The following OPCML variants were observed in gnomAD, a reference collection of about 807,000 sequenced individuals.
OPCML encodes opioid binding protein/cell adhesion molecule like.
Under a neutral mutation model 37.8 loss-of-function variants are expected in OPCML, and 13 were observed. The observed-to-expected ratio is 0.34, with a 90% CI of 0.22 to 0.55. OPCML has a LOEUF of 0.55. OPCML is among the 20% of genes least tolerant of loss of function. OPCML has a pLI of 0.91. For synonymous variants in OPCML, 176 were observed against 168.8 expected (o/e 1.04, Z -0.33); for missense variants, 341 against 435.6 (o/e 0.78, Z 1.93).
intron 1 of OPCML, among the ~76,000 whole-genome samples, chr11:133,190,517 C>A (rs1237397534): frequency 6.6e-6 from 1 of 152,096 alleles, no homozygotes. Flanking sequence ...TCAAAGTATA[C>A]AATTCAACTG....
chr11:133,509,477 G>C (rs1026768048), intron 1 of OPCML, among the ~76,000 whole-genome samples: 1 of 152,136 alleles, frequency 6.6e-6, no homozygotes. Context: ...TCATTGATGG[G>C]CATTTGGGTT....
chr11:132,990,510 T>G (rs1946756175), intron 1 of OPCML, among the ~76,000 whole-genome samples: 1 of 152,188 alleles, frequency 6.6e-6, no homozygotes, highest in Non-Finnish European at 1.5e-5. Flanking sequence ...AGGTAGGCAT[T>G]CTATTTTCCT....
intron 1 of OPCML, among the ~76,000 whole-genome samples, chr11:133,012,881 A>AG (rs1475568877): frequency 1.3e-5 from 2 of 151,742 alleles, no homozygotes; most frequent in Non-Finnish European, 2.9e-5. Flanking sequence ...AAAAAAAAAA[A>AG]AAAAAAGAAA....
chr11:133,123,970 G>A (rs1327902189), intron 1 of OPCML, among the ~76,000 whole-genome samples: 1 of 151,934 alleles, frequency 6.6e-6, no homozygotes, highest in Non-Finnish European at 1.5e-5. Context: ...GCATGAGTCG[G>A]GTCAAAGACT....
At chr11:133,290,067 T>C (rs899050359) in intron 1 of OPCML, among the ~76,000 whole-genome samples, 20 of 152,140 alleles carry the variant, frequency 1.3e-4, no homozygotes, top group African/African-American at 4.6e-4. Context: ...AAGAAAATCT[T>C]CTCAAATCTC....
intron 1 of OPCML, among the ~76,000 whole-genome samples, chr11:133,027,470 A>AGTGT (rs112879269): frequency 6.9e-4 from 100 of 145,010 alleles, no homozygotes; most frequent in Middle Eastern, 3.5e-3. Context: ...TGGTCTATGT[A>AGTGT]GTGTGTGTGT....
intron 2 of OPCML, among the ~76,000 whole-genome samples, chr11:132,798,497 C>T (rs965016903): frequency 1.2e-4 from 18 of 152,204 alleles, no homozygotes; most frequent in African/African-American, 4.3e-4. Context: ...AGAAGCAACT[C>T]CTCCTTCATT....
At chr11:133,192,435 C>T (rs146342721) in intron 1 of OPCML, among the ~76,000 whole-genome samples, 46 of 152,320 alleles carry the variant, frequency 3.0e-4, no homozygotes, top group Middle Eastern at 3.4e-3. Flanking sequence ...ATTGCCTACT[C>T]ATAGATCCAG....
At chr11:132,652,692 T>C (rs1178652348) in intron 3 of OPCML, among the ~76,000 whole-genome samples, 1 of 152,222 alleles carries the variant, frequency 6.6e-6, no homozygotes, top group African/African-American at 2.4e-5. Flanking sequence ...AATAAATGCC[T>C]GGAATTTGTG....
chr11:133,105,402 A>G (rs993726277), intron 1 of OPCML, among the ~76,000 whole-genome samples: 2 of 152,208 alleles, frequency 1.3e-5, no homozygotes, highest in African/African-American at 4.8e-5. Context: ...AAATGAAGAA[A>G]AGGTATAGGT....
chr11:133,055,318 C>T (rs191394392), intron 1 of OPCML, among the ~76,000 whole-genome samples: 114 of 150,656 alleles, frequency 7.6e-4, no homozygotes, highest in Non-Finnish European at 1.4e-3. Context: ...ATGATACTTC[C>T]AAGTAGTGAG....
chr11:132,574,796 T>G (rs2096446569), intron 3 of OPCML, among the ~76,000 whole-genome samples: 1 of 151,942 alleles, frequency 6.6e-6, no homozygotes, highest in African/African-American at 2.4e-5. Flanking sequence ...TGGTGTTAAG[T>G]CCTTGGTTTC....
At chr11:133,012,088 AGGGGACATTG>A (rs966251388) in intron 1 of OPCML, among the ~76,000 whole-genome samples, 12 of 152,180 alleles carry the variant, frequency 7.9e-5, no homozygotes, top group Admixed American at 3.3e-4. Flanking sequence ...TTTACTTAAC[AGGGGACATTG>A]GGCAATGCCT....
intron 1 of OPCML, among the ~76,000 whole-genome samples, chr11:133,434,580 A>G (rs1946192000): frequency 6.6e-6 from 1 of 152,014 alleles, no homozygotes; most frequent in South Asian, 2.1e-4. Context: ...ATAGCTTGTG[A>G]GAGCAGCTGG....
chr11:133,392,658 C>T (rs866709979), intron 1 of OPCML, among the ~76,000 whole-genome samples: 1 of 152,140 alleles, frequency 6.6e-6, no homozygotes, highest in Non-Finnish European at 1.5e-5. Context: ...AGGAGTTGCC[C>T]TTTAAACTGG....
chr11:133,179,695 G>A (rs1263235284), intron 1 of OPCML, among the ~76,000 whole-genome samples: 3 of 152,202 alleles, frequency 2.0e-5, no homozygotes, highest in African/African-American at 4.8e-5. Flanking sequence ...TACACTGAGA[G>A]CAGAGTGTGT....
Position 133,422,387 on chromosome 11 carries a change from A to G in OPCML, c.61+109877T>C. The G allele has an allele frequency of 4.3e-6, 4 of 932,924 alleles. 1 individual carries two copies. Among genetic ancestry groups the G allele is most frequent in the Non-Finnish European group, 5.0e-6 (4 of 797,360 alleles). The allele number at this position is 932,924 out of a possible 1,614,324, so 57.8% of individuals were successfully genotyped here. A position where few individuals can be genotyped will look rare whatever the true frequency, so the allele number is the denominator to read the frequency against. Reference sequence around the variant, plus strand: ...CTCAGACCAAAGACATTATATATATATATATATGTATATATGCGCCAGTTC... The same window carrying G: ...CTCAGACCAAAGACATTATATATATGTATATATGTATATATGCGCCAGTTC... On this transcript the variant is annotated intron_variant, in intron 1 of 7. Coordinates refer to ENST00000524381, the MANE Select transcript of OPCML (RefSeq NM_001012393.5).
At chr11:132,840,148 AG>A (rs1379330711) in intron 2 of OPCML, among the ~76,000 whole-genome samples, 2 of 152,216 alleles carry the variant, frequency 1.3e-5, no homozygotes, top group Non-Finnish European at 2.9e-5. Context: ...AAGAAGGGAC[AG>A]GGAGGCAGGG....
chr11:132,944,460 G>A (rs1166126933), intron 1 of OPCML, among the ~76,000 whole-genome samples: 4 of 152,238 alleles, frequency 2.6e-5, no homozygotes, highest in African/African-American at 7.2e-5. Flanking sequence ...ACCCACCTCC[G>A]AGGACCCACC....
Sources: gnomAD v4.1 joint callset for allele counts (sites outside exome capture counted in the v4.1 genomes callset) on GRCh38, gnomAD v4.1.1 for gene constraint, MANE v1.5 for transcripts, NCBI Gene and HGNC (gene_info 2026-07-23, HGNC 2026-07-21) for gene names.